LRRC3B: variants seen among roughly 807,000 people sequenced by gnomAD.
The protein encoded by LRRC3B is leucine-rich repeat-containing protein 3B.
A neutral mutation model predicts 12.8 loss-of-function variants in LRRC3B; 2 were observed. That is an observed-to-expected ratio of 0.16 (90% CI 0.06 to 0.49). LRRC3B has a LOEUF of 0.49. Among genes scored for constraint, LRRC3B ranks in the 20% least tolerant of loss-of-function variants. LRRC3B has a pLI of 0.96. For synonymous variants in LRRC3B, 132 were observed against 122.0 expected (o/e 1.08, Z -0.54); for missense variants, 189 against 319.4 (o/e 0.59, Z 3.11).
rs1048574564 is a variant in LRRC3B at position 26,633,310 on chromosome 3, T to A, written c.-161+10073T>A. On this transcript the variant is annotated intron_variant, in intron 1 of 1. Transcript: ENST00000396641. ...TGACTGTGGGAAATTTTTCTAACCT[T>A]TAGTATGCCTCAGTTTTCTCTATGT... 2.6e-5 allele frequency among the ~76,000 whole-genome samples: 4 copies of A among 152,174 alleles called. No individual in the cohort carries two copies. In the South Asian group the frequency reaches 6.2e-4, roughly 24 times the overall value.
At chr3:26,655,182 C>T (rs1391994350) in intron 1 of LRRC3B, among the ~76,000 whole-genome samples, 1 of 152,006 alleles carries the variant, frequency 6.6e-6, no homozygotes, top group African/African-American at 2.4e-5. Flanking sequence ...AAAATTGTTT[C>T]TTCTTAGATA....
At chr3:26,686,498 T>C (rs541312230) in intron 1 of LRRC3B, among the ~76,000 whole-genome samples, 37 of 152,212 alleles carry the variant, frequency 2.4e-4, no homozygotes, top group Non-Finnish European at 3.8e-4. Flanking sequence ...ATTCATAGCC[T>C]TTTTCTCTCC....
chr3:26,640,035 T>A (rs1698989988), intron 1 of LRRC3B, among the ~76,000 whole-genome samples: 1 of 152,174 alleles, frequency 6.6e-6, no homozygotes, highest in Non-Finnish European at 1.5e-5. Flanking sequence ...TGAATGTTCC[T>A]TGCTCCAAGC....
At chr3:26,655,045 C>T (rs6805590) in intron 1 of LRRC3B, among the ~76,000 whole-genome samples, 122,318 of 151,716 alleles carry the variant, frequency 0.81, 49,667 homozygotes, top group East Asian at 1. Context: ...TATCAATCTA[C>T]TTATTTAGCT....
chr3:26,706,447 T>C (rs941490825), intron 1 of LRRC3B, among the ~76,000 whole-genome samples: 2 of 152,148 alleles, frequency 1.3e-5, no homozygotes, highest in Non-Finnish European at 2.9e-5. Context: ...AATTTTATTC[T>C]CTTTTTATCA....
chr3:26,676,061 A>T (rs1266241795), intron 1 of LRRC3B, among the ~76,000 whole-genome samples: 1 of 151,052 alleles, frequency 6.6e-6, no homozygotes, highest in African/African-American at 2.4e-5. Flanking sequence ...ATAGCCTTCA[A>T]TTTGGGCCTG....
intron 1 of LRRC3B, among the ~76,000 whole-genome samples, chr3:26,636,755 T>C (rs1181449528): frequency 6.6e-6 from 1 of 150,730 alleles, no homozygotes. Flanking sequence ...GGGTTTAGTG[T>C]GGAAAGCCCA....
At position 26,686,473 on chromosome 3, in the gene LRRC3B, A is replaced by G. The variant is rs562184808; in HGVS notation, c.-160-23040A>G. On this transcript the variant is annotated intron_variant, in intron 1 of 1. Transcript: ENST00000396641. ...ATTTGAAGCCCAATCTTTTTATCCA[A>G]TTTCCATTTGGATCATTCATAGCCT... Among the ~76,000 whole-genome samples, 7 of 152,162 alleles carry G rather than the reference A, an allele frequency of 4.6e-5. No individual in the cohort carries two copies. The South Asian group carries it at 1.5e-3, about 32-fold the overall frequency.
At chr3:26,694,978 G>C (rs567213901) in intron 1 of LRRC3B, among the ~76,000 whole-genome samples, 1 of 152,056 alleles carries the variant, frequency 6.6e-6, no homozygotes, top group South Asian at 2.1e-4. Context: ...CCCCAGAACC[G>C]TCCCCTAAAG....
intron 1 of LRRC3B, among the ~76,000 whole-genome samples, chr3:26,676,529 G>A (rs926688089): frequency 6.6e-6 from 1 of 152,024 alleles, no homozygotes; most frequent in South Asian, 2.1e-4. Flanking sequence ...CAAATCAAAA[G>A]CACAATGAGA....
intron 1 of LRRC3B, among the ~76,000 whole-genome samples, chr3:26,645,003 T>A (rs556097883): frequency 1.3e-5 from 2 of 152,030 alleles, no homozygotes; most frequent in Non-Finnish European, 2.9e-5. Flanking sequence ...TACATACATA[T>A]ATGCATAGAT....
intron 1 of LRRC3B, among the ~76,000 whole-genome samples, chr3:26,697,246 C>G (rs559701494): frequency 6.6e-6 from 1 of 152,214 alleles, no homozygotes; most frequent in South Asian, 2.1e-4. Context: ...GACAAAAAAT[C>G]AATTTTGGGG....
At position 26,640,542 on chromosome 3, in the gene LRRC3B, C is replaced by T. The variant is rs1326667225; in HGVS notation, c.-161+17305C>T. 5.3e-5 allele frequency among the ~76,000 whole-genome samples: 8 copies of T among 152,156 alleles called. No homozygotes were observed. In the South Asian group the frequency reaches 8.3e-4, roughly 16 times the overall value. ...CTAATCCCAGCCTTTCTCATTCATC[C>T]TCTTTTCCAGTAACTGACATTTAAA... On this transcript the variant is annotated intron_variant, in intron 1 of 1. Coordinates refer to ENST00000396641, the Ensembl canonical transcript of LRRC3B.
At chr3:26,710,182 G>A in exon 2 of LRRC3B, 1 of 1,613,888 alleles carries the variant, frequency 6.2e-7, no homozygotes, top group South Asian at 1.1e-5. Flanking sequence ...CCCACAACGT[G>A]ATCTGTAAAA....
chr3:26,666,153 G>C (rs1163005351), intron 1 of LRRC3B, among the ~76,000 whole-genome samples: 3 of 152,068 alleles, frequency 2.0e-5, no homozygotes, highest in Admixed American at 1.3e-4. Flanking sequence ...AGAGTACTGA[G>C]TATGATCTGG....
intron 1 of LRRC3B, among the ~76,000 whole-genome samples, chr3:26,693,328 CAAAAAAA>C (rs71950080): frequency 2.1e-5 from 2 of 96,164 alleles, no homozygotes; most frequent in East Asian, 2.6e-4. Flanking sequence ...AACTCCGTCT[CAAAAAAA>C]AAAAAAAAAA....
chr3:26,702,502 T>G (rs1235473437), intron 1 of LRRC3B, among the ~76,000 whole-genome samples: 1 of 152,164 alleles, frequency 6.6e-6, no homozygotes, highest in Admixed American at 6.6e-5. Context: ...AATCTCATAT[T>G]TGTGGAACGA....
intron 1 of LRRC3B, among the ~76,000 whole-genome samples, chr3:26,663,161 T>C (rs1023522686): frequency 2.6e-4 from 40 of 152,264 alleles, no homozygotes; most frequent in Middle Eastern, 6.8e-3. Context: ...AGGTTTCTCC[T>C]TTTTTTGTAG....
At chr3:26,634,575 C>T (rs138706120) in intron 1 of LRRC3B, among the ~76,000 whole-genome samples, 1,748 of 152,286 alleles carry the variant, frequency 0.011, 41 homozygotes, top group African/African-American at 0.038. Flanking sequence ...CAATTCACCT[C>T]GACATGGTGT....
Sources: gnomAD v4.1 joint callset for allele counts (sites outside exome capture counted in the v4.1 genomes callset) on GRCh38, gnomAD v4.1.1 for gene constraint, MANE v1.5 for transcripts, NCBI Gene and HGNC (gene_info 2026-07-23, HGNC 2026-07-21) for gene names.